Variants in SANBR observed in about 807,000 individuals in gnomAD.
The protein encoded by SANBR is SANT and BTB domain regulator of class switch recombination.
A neutral mutation model predicts 101.8 loss-of-function variants in SANBR; 77 were observed. The observed-to-expected ratio is 0.76, with a 90% CI of 0.63 to 0.91. SANBR has a LOEUF of 0.91. Ranked by LOEUF, SANBR falls within the 40% of genes least tolerant of loss-of-function variation. The probability of loss-of-function intolerance (pLI) is 0.00; values close to 1 mark genes in which losing one functional copy is unlikely to be tolerated. For synonymous variants in SANBR, 279 were observed against 274.7 expected (o/e 1.02, Z -0.15); for missense variants, 875 against 853.0 (o/e 1.03, Z -0.32).
chr2:61,090,012 T>A (rs1682657860), intron 10 of SANBR, among the ~76,000 whole-genome samples: 1 of 151,870 alleles, frequency 6.6e-6, no homozygotes, highest in Admixed American at 6.6e-5. Context: ...ACAAAAAAAT[T>A]AAAAATTAGC....
intron 20 of SANBR, among the ~76,000 whole-genome samples, chr2:61,131,446 A>G (rs1476609717): frequency 6.6e-6 from 1 of 152,214 alleles, no homozygotes; most frequent in African/African-American, 2.4e-5. Context: ...TTTTAACATC[A>G]AAAAATTAAA....
intron 13 of SANBR, 70 bp downstream of exon 13, chr2:61,104,068 C>T (rs1019726165): frequency 2.8e-6 from 4 of 1,417,450 alleles, no homozygotes; most frequent in African/African-American, 2.8e-5. Context: ...AATCCCTTAT[C>T]CCCAAATCAG....
intron 12 of SANBR, among the ~76,000 whole-genome samples, chr2:61,103,317 T>G (rs189335967): frequency 7.9e-5 from 12 of 152,058 alleles, no homozygotes; most frequent in Admixed American, 7.2e-4. Context: ...TTTTTCTTCC[T>G]TTTTAGAGAC....
At chr2:61,118,006 T>A in intron 19 of SANBR, 22 bp from the exon 20 acceptor site, 1 of 1,579,064 alleles carries the variant, frequency 6.3e-7, no homozygotes, top group Non-Finnish European at 8.7e-7. Context: ...AAAAGTAAAG[T>A]TTACTGTTTT....
chr2:61,076,697 A>G (rs1681804086), intron 5 of SANBR, among the ~76,000 whole-genome samples: 2 of 152,086 alleles, frequency 1.3e-5, no homozygotes, highest in African/African-American at 4.8e-5. Context: ...TCCTGTAGTA[A>G]CCATATTTTG....
chr2:61,092,674 A>G, intron 11 of SANBR, 87 bp downstream of exon 11: 1 of 1,118,658 alleles, frequency 8.9e-7, no homozygotes, highest in Non-Finnish European at 1.2e-6. Flanking sequence ...ATATGTTTAA[A>G]TGTGTTTTGA....
chr2:61,097,900 CAG>C (rs1683105629), intron 12 of SANBR, 48 bp downstream of exon 12: 1 of 1,483,690 alleles, frequency 6.7e-7, no homozygotes, highest in South Asian at 1.2e-5. Flanking sequence ...TAAAGTATAA[CAG>C]TAATACATTA....
chr2:61,066,730 A>T (rs966662402), intron 1 of SANBR, among the ~76,000 whole-genome samples: 3 of 152,220 alleles, frequency 2.0e-5, no homozygotes, highest in African/African-American at 7.2e-5. Flanking sequence ...TCTATTTGAA[A>T]TAAGAAAAAA....
chr2:61,111,372 G>A (rs573451076), intron 16 of SANBR, among the ~76,000 whole-genome samples: 2 of 152,316 alleles, frequency 1.3e-5, no homozygotes, highest in South Asian at 4.1e-4. Flanking sequence ...CAGCCTGTGC[G>A]ACAGAGCGAG....
intron 19 of SANBR, 146 bp downstream of exon 19, chr2:61,117,686 CAG>C (rs1037089136): frequency 4.1e-4 from 282 of 689,344 alleles, no homozygotes; most frequent in Admixed American, 4.6e-4. Context: ...AGGCAACAAC[CAG>C]AGTTTCATTA....
At chr2:61,135,562 A>G (rs374964115) in intron 21 of SANBR, among the ~76,000 whole-genome samples, 2 of 152,216 alleles carry the variant, frequency 1.3e-5, no homozygotes, top group African/African-American at 4.8e-5. Flanking sequence ...TGACATGATA[A>G]TCGTTAAAAG....
At chr2:61,083,600 T>A (rs1682262716) in intron 8 of SANBR, among the ~76,000 whole-genome samples, 1 of 151,310 alleles carries the variant, frequency 6.6e-6, no homozygotes, top group African/African-American at 2.4e-5. Context: ...CCAGGCACAG[T>A]GGCTCACGCT....
At chr2:61,075,391 G>A (rs996929313) in intron 5 of SANBR, among the ~76,000 whole-genome samples, 11 of 152,068 alleles carry the variant, frequency 7.2e-5, no homozygotes, top group African/African-American at 2.7e-4. Context: ...CTGAGTAGCT[G>A]GGACCACGGG....
intron 14 of SANBR, among the ~76,000 whole-genome samples, chr2:61,107,672 G>T (rs1040576246): frequency 6.6e-6 from 1 of 152,182 alleles, no homozygotes; most frequent in Non-Finnish European, 1.5e-5. Flanking sequence ...GGGAGGCTGA[G>T]ATCAGGAGTC....
At position 61,121,245 on chromosome 2, in the gene SANBR, G is replaced by A. The variant is rs1684318572; in HGVS notation, c.2089G>A (p.Ala697Thr). 1 of 1,551,062 alleles carries A rather than the reference G, an allele frequency of 6.4e-7. No homozygotes were observed. The highest frequency in any genetic ancestry group is 8.7e-7 in the Non-Finnish European group (1 of 1,146,494). ...AATCAAGGCCTCAGTGCCAGTTAGTGCACGCCAAAGCAGCTCAGAGAAAAA... is the reference window on the plus strand; with the variant it reads ...AATCAAGGCCTCAGTGCCAGTTAGTACACGCCAAAGCAGCTCAGAGAAAAA... ...AQIKASVPVS[A>T]RQSSSEKNTR... is the part of the protein sequence containing the mutation. The change falls in exon 21 of 22, where the codon GCA becomes ACA. Residue 697 changes from alanine (A) to threonine (T), a missense_variant. Coordinates refer to ENST00000402291, the MANE Select transcript of SANBR (RefSeq NM_001129993.3).
At chr2:61,126,769 CAAAAA>C (rs34858449), downstream of SANBR, among the ~76,000 whole-genome samples, 6 of 109,176 alleles carry the variant, frequency 5.5e-5, no homozygotes, top group Non-Finnish European at 5.7e-5. Context: ...GCCACTGTCT[CAAAAA>C]AAAAAAAAAA....
At chr2:61,130,279 T>C (rs1227169357) in intron 20 of SANBR, among the ~76,000 whole-genome samples, 13 of 152,130 alleles carry the variant, frequency 8.5e-5, no homozygotes, top group Middle Eastern at 3.2e-3. Flanking sequence ...CTGTGAACAA[T>C]TGTGTGCCAA....
chr2:61,121,975 TCTCCTG>T, intron 21 of SANBR, 145 bp from the exon 22 acceptor site: 2 of 989,188 alleles, frequency 2.0e-6, no homozygotes, highest in Non-Finnish European at 2.9e-6. Context: ...CAAAAATACA[TCTCCTG>T]TTAAGAGTTT....
At chr2:61,070,158 C>T (rs1681385685) in intron 2 of SANBR, among the ~76,000 whole-genome samples, 184 bp from the exon 3 acceptor site, 1 of 152,150 alleles carries the variant, frequency 6.6e-6, no homozygotes, top group South Asian at 2.1e-4. Flanking sequence ...TTTATCAATG[C>T]ATAATATTCA....
Sources: gnomAD v4.1 joint callset for allele counts (sites outside exome capture counted in the v4.1 genomes callset) on GRCh38, gnomAD v4.1.1 for gene constraint, MANE v1.5 for transcripts, NCBI Gene and HGNC (gene_info 2026-07-23, HGNC 2026-07-21) for gene names.